GPR137B: variants seen among roughly 807,000 people sequenced by gnomAD.
GPR137B encodes integral membrane protein GPR137B.
In GPR137B, 42 loss-of-function variants were observed where a neutral mutation model predicts 42.5. That is an observed-to-expected ratio of 0.99 (90% CI 0.77 to 1.28). GPR137B has a LOEUF of 1.28. Ranked by LOEUF, GPR137B falls within the 50% of genes most tolerant of loss-of-function variation. GPR137B has a pLI of 0.00. For missense variants in GPR137B, 487 were observed against 493.9 expected, an observed-to-expected ratio of 0.99 and a Z score of 0.13; for synonymous variants, 218 against 209.7, an observed-to-expected ratio of 1.04 and a Z score of -0.34.
At chr1:236,149,088 G>A (rs1482829076) in intron 1 of GPR137B, among the ~76,000 whole-genome samples, 2 of 152,154 alleles carry the variant, frequency 1.3e-5, no homozygotes, top group Non-Finnish European at 2.9e-5. Context: ...CTAGGCTCTT[G>A]CTTCGACACC....
At chr1:236,174,531 A>C (rs184165162) in intron 2 of GPR137B, among the ~76,000 whole-genome samples, 2 of 152,316 alleles carry the variant, frequency 1.3e-5, no homozygotes, top group African/African-American at 4.8e-5. Context: ...TGAGGCTGGC[A>C]CAGGAGGCAT....
chr1:236,154,568 C>T (rs1322409668), intron 1 of GPR137B, among the ~76,000 whole-genome samples: 1 of 151,492 alleles, frequency 6.6e-6, no homozygotes, highest in East Asian at 1.9e-4. Flanking sequence ...ACATAGCTTC[C>T]CCTCGAGGAG....
intron 5 of GPR137B, among the ~76,000 whole-genome samples, chr1:236,184,710 TCAAAC>T (rs1662973005): frequency 6.6e-6 from 1 of 152,184 alleles, no homozygotes; most frequent in African/African-American, 2.4e-5. Flanking sequence ...CCGCCAGGCT[TCAAAC>T]CAAGCATTCT....
chr1:236,158,672 G>A (rs1257632451), intron 1 of GPR137B, among the ~76,000 whole-genome samples: 3 of 152,146 alleles, frequency 2.0e-5, no homozygotes, highest in African/African-American at 4.8e-5. Context: ...AAGAGTTTCA[G>A]TCCCCCTCAG....
chr1:236,180,252 G>T, intron 4 of GPR137B: 1 of 472,106 alleles, frequency 2.1e-6, no homozygotes, highest in East Asian at 3.6e-5. Context: ...GTAAACAGTT[G>T]TTATACTACA....
chr1:236,208,737 G>T lies in GPR137B; in HGVS notation c.*579G>T. ...AGCAGCAGACTGTAAGGTCTTTAGA[G>T]ATTTTTTTTTTAAGGTTCAGGCCGT... On this transcript the variant is annotated 3_prime_UTR_variant, in exon 7 of 7. Transcript: ENST00000366592. 1.0e-6 allele frequency: 1 copy of T among 983,458 alleles called. No homozygotes were observed. The highest frequency in any genetic ancestry group is 1.2e-6 in the Non-Finnish European group (1 of 828,072). 60.9% of individuals were successfully genotyped at this position (983,458 alleles called of 1,614,324 possible). A position where few individuals can be genotyped will look rare whatever the true frequency, so the allele number is the denominator to read the frequency against.
intron 1 of GPR137B, among the ~76,000 whole-genome samples, chr1:236,160,150 T>C (rs956743767): frequency 2.0e-5 from 3 of 152,222 alleles, no homozygotes; most frequent in Admixed American, 2.0e-4. Context: ...CTTCAGGGTT[T>C]CTGATCAAAG....
At chr1:236,145,994 A>G (rs554724686) in intron 1 of GPR137B, among the ~76,000 whole-genome samples, 71 of 152,222 alleles carry the variant, frequency 4.7e-4, no homozygotes, top group African/African-American at 1.6e-3. Flanking sequence ...AGTATCTGGG[A>G]TTACAGGCAC....
chr1:236,157,575 G>A (rs1000107230), intron 1 of GPR137B, among the ~76,000 whole-genome samples: 2 of 152,146 alleles, frequency 1.3e-5, no homozygotes, highest in Non-Finnish European at 2.9e-5. Flanking sequence ...GAGGGCTACC[G>A]GTTGTGGCCT....
chr1:236,162,307 T>C (rs1476745464), intron 1 of GPR137B, among the ~76,000 whole-genome samples: 1 of 152,102 alleles, frequency 6.6e-6, no homozygotes, highest in Non-Finnish European at 1.5e-5. Context: ...CATTTAGAGG[T>C]GACTTCAGTA....
intron 5 of GPR137B, among the ~76,000 whole-genome samples, chr1:236,191,171 CTA>C (rs1491312481): frequency 6.6e-6 from 1 of 152,078 alleles, no homozygotes; most frequent in African/African-American, 2.4e-5. Context: ...AGTTCTTGTG[CTA>C]TGTTTTTCAG....
intron 1 of GPR137B, among the ~76,000 whole-genome samples, chr1:236,151,105 A>G (rs1388510666): frequency 1.3e-5 from 2 of 152,172 alleles, no homozygotes; most frequent in African/African-American, 4.8e-5. Context: ...TTCCAGTGAG[A>G]AGAAGAAAGC....
At chr1:236,143,598 C>T (rs866814012) in intron 1 of GPR137B, among the ~76,000 whole-genome samples, 1 of 152,178 alleles carries the variant, frequency 6.6e-6, no homozygotes. Flanking sequence ...TAACTCATTC[C>T]ACCGGATTGC....
chr1:236,208,239 T>C lies in GPR137B; in HGVS notation c.*81T>C. 1 of 1,551,462 alleles carries C rather than the reference T, an allele frequency of 6.4e-7. No homozygotes were observed. The highest frequency in any genetic ancestry group is 8.7e-7 in the Non-Finnish European group (1 of 1,152,422). ...AGTGACAGCTGAATTTTTAGGGCAC[T>C]TTTCCTTAAGAAATAGAACTTGATT... is the stretch of plus-strand genomic sequence containing the variant. On this transcript the variant is annotated 3_prime_UTR_variant, in exon 7 of 7. Coordinates refer to ENST00000366592, the MANE Select transcript of GPR137B (RefSeq NM_003272.4).
intron 5 of GPR137B, among the ~76,000 whole-genome samples, chr1:236,186,696 C>CATGGT (rs1414722838): frequency 2.0e-5 from 3 of 152,024 alleles, no homozygotes; most frequent in Admixed American, 2.0e-4. Context: ...CATAGTATTC[C>CATGGT]ATGGTATGTA....
chr1:236,153,491 GAT>G (rs1224700377), intron 1 of GPR137B, among the ~76,000 whole-genome samples: 1 of 152,194 alleles, frequency 6.6e-6, no homozygotes, highest in African/African-American at 2.4e-5. Flanking sequence ...GTGCTGCATG[GAT>G]AGAGACTACA....
chr1:236,187,434 G>C (rs1460043651), intron 5 of GPR137B, among the ~76,000 whole-genome samples: 1 of 152,052 alleles, frequency 6.6e-6, no homozygotes, highest in Non-Finnish European at 1.5e-5. Flanking sequence ...GTATTGCCTA[G>C]GTTTTCTTCT....
At chr1:236,197,913 G>T (rs924733444) in intron 5 of GPR137B, among the ~76,000 whole-genome samples, 19 of 152,096 alleles carry the variant, frequency 1.2e-4, no homozygotes, top group Non-Finnish European at 2.6e-4. Flanking sequence ...TAGAGACGAG[G>T]TTTCACTATG....
chr1:236,199,772 CTA>C (rs1214864789), intron 5 of GPR137B, among the ~76,000 whole-genome samples: 2 of 151,946 alleles, frequency 1.3e-5, no homozygotes, highest in Non-Finnish European at 2.9e-5. Flanking sequence ...CACTAATGGT[CTA>C]TCAATTTTGT....
Sources: gnomAD v4.1 joint callset for allele counts (sites outside exome capture counted in the v4.1 genomes callset) on GRCh38, gnomAD v4.1.1 for gene constraint, MANE v1.5 for transcripts, NCBI Gene and HGNC (gene_info 2026-07-23, HGNC 2026-07-21) for gene names.